Variants in STK3 observed in about 807,000 individuals in gnomAD.
The protein encoded by STK3 is serine/threonine-protein kinase 3.
STK3 carries 41 observed loss-of-function variants against 58.0 expected under a neutral mutation model. The observed-to-expected ratio is 0.71, with a 90% CI of 0.55 to 0.92. STK3 has a LOEUF of 0.92. Among genes scored for constraint, STK3 ranks in the 40% least tolerant of loss-of-function variants. The probability of loss-of-function intolerance (pLI) is 0.00; values close to 1 mark genes in which losing one functional copy is unlikely to be tolerated. For missense variants in STK3, 479 were observed against 602.7 expected (o/e 0.79, Z 2.15); for synonymous variants, 170 against 191.0 (o/e 0.89, Z 0.91).
intron 3 of STK3, among the ~76,000 whole-genome samples, chr8:98,395,674 G>C (rs1817891407): frequency 6.6e-6 from 1 of 152,150 alleles, no homozygotes. Context: ...TGTTGGATTT[G>C]TGGATTCTCA....
chr8:98,499,657 A>T lies in STK3; in HGVS notation c.1317+27085T>A, dbSNP rs116838334. ...ATAAGCAGAATGTTGGTAGAAATAT[A>T]AACACAGTAAAGATGGTACTGGTGA... On this transcript the variant is annotated intron_variant, in intron 10 of 10. Transcript: ENST00000419617. 5.9e-3 allele frequency among the ~76,000 whole-genome samples: 893 copies of T among 152,332 alleles called. 7 individuals carry two copies. The highest frequency in any genetic ancestry group is 0.02 in the African/African-American group (818 of 41,574).
intron 3 of STK3, among the ~76,000 whole-genome samples, chr8:98,867,371 G>A (rs1290890863): frequency 2.0e-5 from 3 of 152,148 alleles, no homozygotes; most frequent in African/African-American, 7.2e-5. Context: ...CCGAGATCGC[G>A]CCCCTGCGTT....
At chr8:98,902,051 T>G (rs1838677877) in intron 1 of STK3, among the ~76,000 whole-genome samples, 1 of 152,116 alleles carries the variant, frequency 6.6e-6, no homozygotes, top group Non-Finnish European at 1.5e-5. Flanking sequence ...CTGGAAACAC[T>G]CTATTCTCTT....
At chr8:98,652,154 A>C (rs1335250521) in intron 6 of STK3, among the ~76,000 whole-genome samples, 1 of 152,250 alleles carries the variant, frequency 6.6e-6, no homozygotes, top group Non-Finnish European at 1.5e-5. Flanking sequence ...TCTACAAGCC[A>C]GAAGACAGTG....
Position 98,472,239 on chromosome 8 carries a change from G to T in STK3, c.1318-16239C>A, listed in dbSNP as rs7010064. Among the ~76,000 whole-genome samples, 208 of 152,254 alleles carry T rather than the reference G, an allele frequency of 1.4e-3. 1 individual carries two copies. The highest frequency in any genetic ancestry group is 4.9e-3 in the African/African-American group (203 of 41,550). Reference sequence around the variant, plus strand: ...CACTATACAATGCAGTTAAATATATGTAGTTTACTGCCCATAATAAATTTT... The same window carrying T: ...CACTATACAATGCAGTTAAATATATTTAGTTTACTGCCCATAATAAATTTT... On this transcript the variant is annotated intron_variant, in intron 10 of 10. Coordinates refer to ENST00000419617, the MANE Select transcript of STK3 (RefSeq NM_006281.4).
intron 6 of STK3, among the ~76,000 whole-genome samples, chr8:98,612,960 C>A (rs921361411): frequency 3.3e-5 from 5 of 152,224 alleles, no homozygotes; most frequent in African/African-American, 9.6e-5. Context: ...TACTTCCTCT[C>A]CAAACTGGCA....
chr8:98,397,912 G>T (rs533559305), downstream of STK3, among the ~76,000 whole-genome samples: 1 of 152,092 alleles, frequency 6.6e-6, no homozygotes, highest in East Asian at 1.9e-4. Flanking sequence ...GTTTCCTGAG[G>T]CCTCCTAACC....
At chr8:98,922,852 TACTC>T (rs1017369367) in intron 1 of STK3, among the ~76,000 whole-genome samples, 5 of 152,384 alleles carry the variant, frequency 3.3e-5, no homozygotes, top group South Asian at 4.1e-4. Context: ...AATGCACACA[TACTC>T]ATTCATTCTT....
upstream of STK3, among the ~76,000 whole-genome samples, chr8:98,828,962 A>G (rs1456275150): frequency 6.6e-6 from 1 of 152,220 alleles, no homozygotes; most frequent in East Asian, 1.9e-4. Context: ...TGGGCTGGAT[A>G]GCATCCTTTT....
intron 1 of STK3, among the ~76,000 whole-genome samples, chr8:98,820,411 C>T (rs1475261937): frequency 6.6e-6 from 1 of 152,196 alleles, no homozygotes; most frequent in African/African-American, 2.4e-5. Flanking sequence ...CAACGAATTA[C>T]ACATTTTAAA....
chr8:98,657,357 A>G (rs184241134), intron 6 of STK3, among the ~76,000 whole-genome samples: 5 of 152,158 alleles, frequency 3.3e-5, no homozygotes, highest in Admixed American at 6.6e-5. Flanking sequence ...TACCAAAGGT[A>G]AAACAGCAAA....
intron 6 of STK3, among the ~76,000 whole-genome samples, chr8:98,628,449 A>G (rs1455781184): frequency 6.6e-6 from 1 of 152,134 alleles, no homozygotes; most frequent in East Asian, 1.9e-4. Context: ...TATATTCAAG[A>G]GTCCAGGAGA....
upstream of STK3, among the ~76,000 whole-genome samples, chr8:98,827,164 C>T (rs1835344693): frequency 7.4e-6 from 1 of 134,952 alleles, no homozygotes; most frequent in African/African-American, 2.9e-5. Flanking sequence ...GGTGAAACCT[C>T]GTCTCTACTA....
At chr8:98,760,368 G>C (rs1186948450) in intron 3 of STK3, among the ~76,000 whole-genome samples, 1 of 152,052 alleles carries the variant, frequency 6.6e-6, no homozygotes, top group East Asian at 1.9e-4. Context: ...TCAAATTCCT[G>C]GCTTCAAGTG....
At chr8:98,828,726 A>G (rs1164606788), upstream of STK3, among the ~76,000 whole-genome samples, 1 of 152,246 alleles carries the variant, frequency 6.6e-6, no homozygotes, top group Non-Finnish European at 1.5e-5. Context: ...TCAAACCACC[A>G]GCATCATCAC....
At chr8:98,892,174 A>C (rs1838224717) in intron 1 of STK3, among the ~76,000 whole-genome samples, 1 of 151,456 alleles carries the variant, frequency 6.6e-6, no homozygotes, top group South Asian at 2.1e-4. Flanking sequence ...ATCATCCTTG[A>C]CTCCTCTCTC....
In STK3 at chr8:98,541,275, G is replaced by A. The variant is rs143345485; in HGVS notation, c.1141+6694C>T. Among the ~76,000 whole-genome samples the A allele has an allele frequency of 2.6e-3, 400 of 152,290 alleles. 2 individuals are homozygous for A. The highest frequency in any genetic ancestry group is 9.4e-3 in the African/African-American group (389 of 41,556). ...GGTGGGAGATGATTGGATCACGGGG[G>A]TAGTTTCTAACGGTTTAGCACCATC... On this transcript the variant is annotated intron_variant, in intron 9 of 10. Transcript: ENST00000419617.
chr8:98,397,046 A>G (rs1219497947), downstream of STK3, among the ~76,000 whole-genome samples: 7 of 152,224 alleles, frequency 4.6e-5, no homozygotes, highest in South Asian at 1.2e-3. Flanking sequence ...CAAATTAATG[A>G]CAGAGTCTGG....
intron 1 of STK3, among the ~76,000 whole-genome samples, chr8:98,795,763 G>A (rs1168707578): frequency 2.6e-5 from 4 of 151,910 alleles, no homozygotes; most frequent in Non-Finnish European, 5.9e-5. Context: ...TGAGAGCCAA[G>A]TCAAGAACAC....
Sources: gnomAD v4.1 joint callset for allele counts (sites outside exome capture counted in the v4.1 genomes callset) on GRCh38, gnomAD v4.1.1 for gene constraint, MANE v1.5 for transcripts, NCBI Gene and HGNC (gene_info 2026-07-23, HGNC 2026-07-21) for gene names.